Variants in TAF3 observed in about 807,000 individuals in gnomAD.
The protein encoded by TAF3 is TATA-box binding protein associated factor 3.
In TAF3, 7 loss-of-function variants were observed where a neutral mutation model predicts 80.6. The observed-to-expected ratio is 0.09, with a 90% CI of 0.05 to 0.16. TAF3 has a LOEUF of 0.16. Ranked by LOEUF, TAF3 falls within the 10% of genes least tolerant of loss-of-function variation. TAF3 has a pLI of 1.00. For missense variants in TAF3, 921 were observed against 1,140.2 expected, an observed-to-expected ratio of 0.81 and a Z score of 2.77; for synonymous variants, 444 against 446.1, an observed-to-expected ratio of 1.00 and a Z score of 0.06.
In TAF3 at chr10:7,965,651, A is replaced by G. The variant is rs1831563620; in HGVS notation, c.2141A>G (p.Lys714Arg). 2 of 1,601,716 alleles carry G rather than the reference A, an allele frequency of 1.2e-6. No homozygotes were observed. Among genetic ancestry groups the G allele is most frequent in the Non-Finnish European group, 1.7e-6 (2 of 1,176,400 alleles). Residue 714 changes from lysine (K) to arginine (R), a missense_variant, in exon 3 of 7, where the codon AAA (lysine) becomes AGA (arginine). By Grantham distance (26) the Lys-to-Arg change is conservative (BLOSUM62 2). Transcript: ENST00000344293. ...AAGGAGAAGAAGAAAAAGAAGGAAAAAGAGAAGGAGAAGAAGGAGAAGGAA... is the reference window on the plus strand; with the variant it reads ...AAGGAGAAGAAGAAAAAGAAGGAAAGAGAGAAGGAGAAGAAGGAGAAGGAA... ...DKKEKKKKKEKEKEKKEKERE... is the reference protein window; with the variant it reads ...DKKEKKKKKEREKEKKEKERE...
intron 1 of TAF3, among the ~76,000 whole-genome samples, chr10:7,823,625 A>G (rs1047837015): frequency 6.9e-6 from 1 of 145,564 alleles, no homozygotes; most frequent in Non-Finnish European, 1.5e-5. Context: ...AACAAGCAAG[A>G]TGCCATCTCT....
intron 4 of TAF3, among the ~76,000 whole-genome samples, chr10:7,984,690 G>T (rs1231504067): frequency 2.6e-5 from 4 of 152,182 alleles, no homozygotes; most frequent in African/African-American, 7.2e-5. Flanking sequence ...TCTCTCCGCA[G>T]TGTTATCAAG....
In TAF3 at chr10:7,973,261, A is replaced by G. The variant is rs550406480; in HGVS notation, c.2233-3980A>G. 2.6e-5 allele frequency among the ~76,000 whole-genome samples: 4 copies of G among 152,348 alleles called. No individual in the cohort carries two copies. The East Asian group carries it at 7.7e-4, about 29-fold the overall frequency. On this transcript the variant is annotated intron_variant, in intron 3 of 6. Transcript: ENST00000344293. Reference sequence around the variant, plus strand: ...AAATGGGCCAAACACACAACTCAATAATAGTAGAGCAGAATTTTTTTAAAG... The same window carrying G: ...AAATGGGCCAAACACACAACTCAATGATAGTAGAGCAGAATTTTTTTAAAG...
intron 2 of TAF3, among the ~76,000 whole-genome samples, chr10:7,837,349 A>G (rs1309852336): frequency 6.6e-6 from 1 of 150,992 alleles, no homozygotes; most frequent in African/African-American, 2.4e-5. Context: ...GGCAAAAAAA[A>G]AAAAAAAAGT....
chr10:7,867,148 A>C (rs1394369549), intron 2 of TAF3, among the ~76,000 whole-genome samples: 1 of 151,984 alleles, frequency 6.6e-6, no homozygotes, highest in East Asian at 1.9e-4. Context: ...CATCCCAGCT[A>C]CTCAGGAGGC....
intron 2 of TAF3, 74 bp from the exon 3 acceptor site, chr10:7,963,846 A>G (rs2131412002): frequency 7.6e-7 from 1 of 1,323,134 alleles, no homozygotes. Flanking sequence ...TATTTGAAGC[A>G]TTGTTTTTAT....
chr10:7,839,035 G>A (rs767830742), intron 2 of TAF3, among the ~76,000 whole-genome samples: 8 of 151,338 alleles, frequency 5.3e-5, no homozygotes, highest in East Asian at 1.9e-4. Context: ...TTCAGTACAC[G>A]TGTCTTAGCA....
chr10:7,871,529 C>T (rs111962804), intron 2 of TAF3, among the ~76,000 whole-genome samples: 1,615 of 144,550 alleles, frequency 0.011, 20 homozygotes, highest in Middle Eastern at 0.035. Flanking sequence ...TTGCAATCTC[C>T]GCCTCCCAGG....
At chr10:7,874,573 A>G (rs1025178057) in intron 2 of TAF3, among the ~76,000 whole-genome samples, 1 of 152,096 alleles carries the variant, frequency 6.6e-6, no homozygotes, top group African/African-American at 2.4e-5. Flanking sequence ...CTATATATTT[A>G]AAGCCAAAAA....
chr10:7,940,205 C>T (rs748491157), intron 2 of TAF3, among the ~76,000 whole-genome samples: 3 of 152,152 alleles, frequency 2.0e-5, no homozygotes, highest in Non-Finnish European at 2.9e-5. Context: ...TTTTCAACCA[C>T]GCTGTTAGGT....
At chr10:7,842,566 G>A (rs757460915) in intron 2 of TAF3, among the ~76,000 whole-genome samples, 20 of 151,950 alleles carry the variant, frequency 1.3e-4, no homozygotes, top group Non-Finnish European at 2.5e-4. Context: ...TTTTAGATGC[G>A]GGCTTAAAGC....
At chr10:8,007,114 G>A (rs1832001668) in intron 4 of TAF3, among the ~76,000 whole-genome samples, 1 of 152,170 alleles carries the variant, frequency 6.6e-6, no homozygotes, top group Admixed American at 6.5e-5. Context: ...ATGAGTCAGT[G>A]TGTAAGTTTA....
chr10:7,881,252 CA>C (rs1016535655), intron 2 of TAF3, among the ~76,000 whole-genome samples: 16 of 143,248 alleles, frequency 1.1e-4, no homozygotes, highest in South Asian at 9.0e-4. Context: ...AAAAAAAAAA[CA>C]AAAAAAAAAC....
rs1230925353 is a variant in TAF3, at chr10:7,863,608, T to TAA, written c.409+39066_409+39067dup. ...CTGATGACCAGAGCAAAACTCTGTC[T>TAA]AAAAAAAAAAAAAAAAAAATATATA... On this transcript the variant is annotated intron_variant, in intron 2 of 6. Coordinates refer to ENST00000344293, the MANE Select transcript of TAF3 (RefSeq NM_031923.4). Among the ~76,000 whole-genome samples the TAA allele has an allele frequency of 5.5e-3, 113 of 20,446 alleles. 16 individuals carry two copies. The highest frequency in any genetic ancestry group is 0.023 in the African/African-American group (104 of 4,500). The allele number at this position is 20,446 out of a possible 152,430, so 13.4% of individuals were successfully genotyped here.
At chr10:7,917,244 G>A (rs1055195584) in intron 2 of TAF3, among the ~76,000 whole-genome samples, 2 of 152,242 alleles carry the variant, frequency 1.3e-5, no homozygotes, top group East Asian at 1.9e-4. Context: ...AAAAGAGAGC[G>A]AGGATGGAGT....
chr10:7,897,261 C>T (rs542277586), intron 2 of TAF3, among the ~76,000 whole-genome samples: 5 of 152,212 alleles, frequency 3.3e-5, no homozygotes, highest in East Asian at 1.9e-4. Flanking sequence ...GCCAGGTCGC[C>T]GGGGGGTCAC....
rs138625993 is a variant in TAF3 at position 7,824,401 on chromosome 10, A to G, written c.250A>G (p.Ile84Val). The G allele has an allele frequency of 2.0e-4, 326 of 1,614,204 alleles. 2 individuals carry two copies. In the East Asian group the frequency reaches 6.1e-3, roughly 30 times the overall value. The part of the protein sequence containing the change: ...GVSLHELEDY[I>V]HNIEPVTFPH... ...TAGTCTACATGAACTAGAAGACTAT[A>G]TTCACAACATTGAGCCTGTCACCTT... The change falls in exon 2 of 7, where the codon ATT becomes GTT. Residue 84 changes from isoleucine (I) to valine (V), a missense_variant. Physicochemically the swap from Ile to Val is conservative, Grantham distance 29 (BLOSUM62 3). This residue lies in a region of TAF3 where 106 missense variants were observed against 191.8 expected (regional missense o/e 0.55). Coordinates refer to ENST00000344293, the MANE Select transcript of TAF3 (RefSeq NM_031923.4).
chr10:8,004,441 G>A (rs1246774095), intron 4 of TAF3, among the ~76,000 whole-genome samples: 3 of 152,056 alleles, frequency 2.0e-5, no homozygotes, highest in African/African-American at 4.8e-5. Context: ...GCCCTAGGAC[G>A]AAAAATTTGA....
At chr10:7,978,410 C>T (rs943364560) in intron 4 of TAF3, among the ~76,000 whole-genome samples, 1 of 152,148 alleles carries the variant, frequency 6.6e-6, no homozygotes, top group Non-Finnish European at 1.5e-5. Context: ...AGAGAGGCAA[C>T]TTGGTTTTCC....
Sources: gnomAD v4.1 joint callset for allele counts (sites outside exome capture counted in the v4.1 genomes callset) on GRCh38, gnomAD v4.1.1 for gene constraint, gnomAD v4.1.1 regional missense constraint, MANE v1.5 for transcripts, NCBI Gene and HGNC (gene_info 2026-07-23, HGNC 2026-07-21) for gene names.